ERCC6L2: variants seen among roughly 807,000 people sequenced by gnomAD.
ERCC6L2 encodes ERCC excision repair 6 like 2.
In ERCC6L2, 77 loss-of-function variants were observed where a neutral mutation model predicts 132.0. The observed-to-expected ratio is 0.58, with a 90% CI of 0.49 to 0.71. The LOEUF is 0.71. Among genes scored for constraint, ERCC6L2 ranks in the 30% least tolerant of loss-of-function variants. ERCC6L2 has a pLI of 0.00. For synonymous variants in ERCC6L2, 583 were observed against 632.4 expected (o/e 0.92, Z 1.17); for missense variants, 1,542 against 1,837.6 (o/e 0.84, Z 2.94).
chr9:95,887,629 A>G lies in ERCC6L2; in HGVS notation c.471+6336A>G, dbSNP rs1827942698. On this transcript the variant is annotated intron_variant, in intron 2 of 18. Transcript: ENST00000653738. Reference sequence around the variant, plus strand: ...TATATTATTAGATATTACATTATTGAAAATGTCATTACTGAAGGCTGTCTT... The same window carrying G: ...TATATTATTAGATATTACATTATTGGAAATGTCATTACTGAAGGCTGTCTT... 3.3e-5 allele frequency among the ~76,000 whole-genome samples: 5 copies of G among 152,312 alleles called. No individual in the cohort carries two copies. In the South Asian group the frequency reaches 1.0e-3, roughly 32 times the overall value.
intron 13 of ERCC6L2, among the ~76,000 whole-genome samples, chr9:95,961,534 A>C (rs541868730): frequency 6.6e-6 from 1 of 152,206 alleles, no homozygotes; most frequent in African/African-American, 2.4e-5. Context: ...ACTTTGTTAC[A>C]GCAGAATTGG....
intron 13 of ERCC6L2, among the ~76,000 whole-genome samples, chr9:95,963,317 C>G (rs757016813): frequency 1.3e-5 from 2 of 151,948 alleles, no homozygotes; most frequent in Non-Finnish European, 2.9e-5. Context: ...CAGCCATTAT[C>G]TTTATTCTTT....
At chr9:96,039,553 G>A (rs1394102624) in intron 20 of ERCC6L2, among the ~76,000 whole-genome samples, 4 of 152,166 alleles carry the variant, frequency 2.6e-5, no homozygotes, top group Admixed American at 2.0e-4. Flanking sequence ...GGGTGGCAGT[G>A]GGACTTGGCT....
At chr9:95,898,311 A>G (rs77062260) in intron 3 of ERCC6L2, among the ~76,000 whole-genome samples, 4,611 of 152,162 alleles carry the variant, frequency 0.03, 95 homozygotes, top group East Asian at 0.13. Context: ...CCTTCATTAT[A>G]TTGTTTTTTA....
chr9:95,915,810 CTG>C lies in ERCC6L2; in HGVS notation c.934_935del (p.Trp312ValfsTer23). On this transcript the variant is annotated frameshift_variant, in exon 5 of 19. Transcript: ENST00000653738. LOFTEE classifies it high-confidence loss of function. Reference protein sequence around the residue: ...GTILQNNMKELWCVMDWAVPG... With the variant: ...GTILQNNMKEXWCVMDWAVPG... ...CATCCTTCAGAACAACATGAAGGAACTGTGGTGTGTTATGGACTGGTGAGAGA... is the reference window on the plus strand; with the variant it reads ...CATCCTTCAGAACAACATGAAGGAACTGGTGTGTTATGGACTGGTGAGAGA... 6.2e-7 allele frequency: 1 copy of C among 1,611,746 alleles called. No homozygotes were observed. The highest frequency in any genetic ancestry group is 1.3e-5 in the African/African-American group (1 of 74,836).
At chr9:96,033,494 G>A (rs531550624) in intron 19 of ERCC6L2, among the ~76,000 whole-genome samples, 1 of 152,184 alleles carries the variant, frequency 6.6e-6, no homozygotes, top group South Asian at 2.1e-4. Context: ...TGATCCGCCT[G>A]CCTTGGCCTC....
chr9:95,952,469 C>G (rs922164744), intron 12 of ERCC6L2, among the ~76,000 whole-genome samples: 3 of 152,012 alleles, frequency 2.0e-5, no homozygotes, highest in Non-Finnish European at 4.4e-5. Context: ...TGTAATATGC[C>G]ACATTAACGA....
chr9:95,960,887 A>G (rs1266795108), intron 13 of ERCC6L2, among the ~76,000 whole-genome samples: 2 of 152,124 alleles, frequency 1.3e-5, no homozygotes, highest in Non-Finnish European at 2.9e-5. Context: ...ACTCTCCCAC[A>G]AAGATAGATT....
chr9:95,995,925 G>C (rs539871444), intron 17 of ERCC6L2, among the ~76,000 whole-genome samples: 1 of 152,154 alleles, frequency 6.6e-6, no homozygotes, highest in African/African-American at 2.4e-5. Flanking sequence ...AAATGCAACA[G>C]TATTGAAGTT....
intron 19 of ERCC6L2, among the ~76,000 whole-genome samples, chr9:96,035,872 A>G (rs2133271595): frequency 6.6e-6 from 1 of 152,302 alleles, no homozygotes; most frequent in South Asian, 2.1e-4. Context: ...CCAGTGAGGA[A>G]CCCAGGAGAA....
At chr9:95,975,357 C>T (rs540967500) in intron 16 of ERCC6L2, among the ~76,000 whole-genome samples, 1 of 98,658 alleles carries the variant, frequency 1.0e-5, no homozygotes, top group East Asian at 3.4e-4. Context: ...GTTTTGTGCC[C>T]TTATACCTAA....
chr9:96,041,008 G>T (rs193179145), intron 20 of ERCC6L2, among the ~76,000 whole-genome samples: 1 of 152,146 alleles, frequency 6.6e-6, no homozygotes, highest in African/African-American at 2.4e-5. Flanking sequence ...TCTGGATGCC[G>T]CTGTAAACAA....
intron 16 of ERCC6L2, among the ~76,000 whole-genome samples, chr9:95,975,969 G>T (rs1484987082): frequency 6.6e-6 from 1 of 151,774 alleles, no homozygotes; most frequent in African/African-American, 2.4e-5. Flanking sequence ...TTTCTGTTTT[G>T]TGAGCACATC....
intron 7 of ERCC6L2, 41 bp downstream of exon 7, chr9:95,921,356 A>G: frequency 6.5e-7 from 1 of 1,536,670 alleles, no homozygotes; most frequent in Non-Finnish European, 8.9e-7. Flanking sequence ...GCTTTTGATT[A>G]CATAGTACTC....
chr9:95,917,288 T>A (rs1006330195), intron 6 of ERCC6L2, among the ~76,000 whole-genome samples: 7 of 152,150 alleles, frequency 4.6e-5, no homozygotes, highest in Non-Finnish European at 8.8e-5. Context: ...AAGAGGATTT[T>A]AAAAAAATAT....
intron 2 of ERCC6L2, among the ~76,000 whole-genome samples, chr9:95,881,880 G>A (rs552145678): frequency 2.6e-5 from 4 of 152,330 alleles, no homozygotes; most frequent in Non-Finnish European, 4.4e-5. Flanking sequence ...AAATTTAGCA[G>A]CTTAAAACAA....
At chr9:96,024,215 C>T (rs1329586530) in intron 19 of ERCC6L2, among the ~76,000 whole-genome samples, 1 of 152,228 alleles carries the variant, frequency 6.6e-6, no homozygotes, top group Non-Finnish European at 1.5e-5. Flanking sequence ...GAGCAGCTTG[C>T]ACCACGTAAC....
chr9:95,891,206 T>C (rs113541859), intron 2 of ERCC6L2, among the ~76,000 whole-genome samples: 2 of 152,226 alleles, frequency 1.3e-5, no homozygotes, highest in African/African-American at 4.8e-5. Flanking sequence ...AGTGTGTCCC[T>C]AACTCTGTCT....
chr9:95,919,387 G>T (rs1829754757), intron 6 of ERCC6L2, among the ~76,000 whole-genome samples: 2 of 152,126 alleles, frequency 1.3e-5, no homozygotes, highest in South Asian at 4.2e-4. Context: ...AAGTCAGGAA[G>T]TGCCTTGCCA....
Sources: gnomAD v4.1 joint callset for allele counts (sites outside exome capture counted in the v4.1 genomes callset) on GRCh38, gnomAD v4.1.1 for gene constraint, MANE v1.5 for transcripts, NCBI Gene and HGNC (gene_info 2026-07-23, HGNC 2026-07-21) for gene names.